AMMECR1: variants seen among roughly 807,000 people sequenced by gnomAD.
AMMECR1 encodes nuclear protein AMMECR1.
In AMMECR1, 3 loss-of-function variants were observed where a neutral mutation model predicts 22.5. The observed-to-expected ratio is 0.13, with a 90% confidence interval of 0.06 to 0.35. AMMECR1 has a LOEUF of 0.35. Ranked by LOEUF, AMMECR1 falls within the 10% of genes least tolerant of loss-of-function variation. AMMECR1 has a pLI of 1.00. For synonymous variants in AMMECR1, 130 were observed against 116.7 expected (o/e 1.11, Z -0.74); for missense variants, 235 against 278.7 (o/e 0.84, Z 1.12).
intron 2 of AMMECR1, among the ~76,000 whole-genome samples, chrX:110,354,944 A>G (rs902821483): frequency 8.9e-6 from 1 of 112,507 alleles, no homozygotes; most frequent in Non-Finnish European, 1.9e-5. Context: ...TGGCAACAAG[A>G]AAAAGCAGAG....
intron 2 of AMMECR1, among the ~76,000 whole-genome samples, chrX:110,241,609 A>T (rs1231066262): frequency 9.1e-6 from 1 of 110,349 alleles, no homozygotes. Context: ...GAGTTGAACA[A>T]TGAGAACACA....
chrX:110,289,129 CAAAT>C (rs1246887884), intron 1 of AMMECR1, among the ~76,000 whole-genome samples: 2 of 111,799 alleles, frequency 1.8e-5, no homozygotes, highest in South Asian at 3.7e-4. Context: ...CTTCCCTCAA[CAAAT>C]AAGTCCATTA....
At chrX:110,248,617 AT>A (rs1197021457) in intron 2 of AMMECR1, among the ~76,000 whole-genome samples, 1 of 112,092 alleles carries the variant, frequency 8.9e-6, no homozygotes, top group African/African-American at 3.2e-5. Flanking sequence ...GGAACTTCAA[AT>A]TGCAAAAATT....
chrX:110,349,870 T>TA (rs2068204491), intron 2 of AMMECR1, among the ~76,000 whole-genome samples: 1 of 111,761 alleles, frequency 8.9e-6, no homozygotes, highest in Non-Finnish European at 1.9e-5. Context: ...CAGGCAGTCT[T>TA]ATCATACATG....
intron 2 of AMMECR1, chrX:110,418,966 C>T (rs1380817395): frequency 9.2e-6 from 1 of 108,212 alleles, no homozygotes; most frequent in African/African-American, 3.3e-5. Context: ...TGTGCATTGC[C>T]TATGACTCAC....
intron 2 of AMMECR1, among the ~76,000 whole-genome samples, chrX:110,359,755 C>A (rs2068250912): frequency 8.9e-6 from 1 of 111,749 alleles, no homozygotes; most frequent in Non-Finnish European, 1.9e-5. Flanking sequence ...GAGATAAGGT[C>A]TCACCATAAA....
chrX:110,406,989 A>G (rs2068606850), intron 2 of AMMECR1, among the ~76,000 whole-genome samples: 1 of 111,685 alleles, frequency 9.0e-6, no homozygotes, highest in Non-Finnish European at 1.9e-5. Flanking sequence ...ACAGGAGCTG[A>G]ATGCCTTCTT....
At position 110,194,949 on chromosome X, in the gene AMMECR1, T is replaced by C. The variant is rs1281856703; in HGVS notation, c.*3571A>G. ...GCTCACACCCCTCAAATAAACTTAATTCATTTTAACATCACTAGCAAAAAT... is the reference window on the plus strand; with the variant it reads ...GCTCACACCCCTCAAATAAACTTAACTCATTTTAACATCACTAGCAAAAAT... On this transcript the variant is annotated 3_prime_UTR_variant, in exon 6 of 6. Transcript: ENST00000262844. 3 of 112,116 alleles carry C rather than the reference T, an allele frequency of 2.7e-5. No individual in the cohort carries two copies. Among genetic ancestry groups the C allele is most frequent in the African/African-American group, 6.5e-5 (2 of 30,858 alleles). The allele number at this position is 112,116 out of a possible 1,213,427, so 9.2% of individuals were successfully genotyped here. A position where few individuals can be genotyped will look rare whatever the true frequency, so the allele number is the denominator to read the frequency against.
At chrX:110,320,101 A>G (rs897025265), upstream of AMMECR1, among the ~76,000 whole-genome samples, 1 of 112,353 alleles carries the variant, frequency 8.9e-6, no homozygotes, top group African/African-American at 3.2e-5. Context: ...CATCCTCTCA[A>G]ACTTCATCAC....
chrX:110,439,174 C>G (rs893507601), intron 1 of AMMECR1, among the ~76,000 whole-genome samples: 3 of 112,005 alleles, frequency 2.7e-5, no homozygotes, highest in African/African-American at 9.7e-5. Flanking sequence ...CCTTTGTGAG[C>G]AGCCATTGGA....
At chrX:110,287,611 A>C (rs1199364539) in intron 1 of AMMECR1, among the ~76,000 whole-genome samples, 1 of 111,925 alleles carries the variant, frequency 8.9e-6, no homozygotes, top group African/African-American at 3.3e-5. Context: ...TAATCTTCCA[A>C]GTTACTAGTC....
intron 2 of AMMECR1, among the ~76,000 whole-genome samples, chrX:110,366,326 A>C (rs1227987873): frequency 1.8e-5 from 2 of 111,837 alleles, no homozygotes; most frequent in African/African-American, 3.3e-5. Context: ...GAATATTCAG[A>C]GTCCTTAATA....
rs764704579 is a variant in AMMECR1 at position 110,353,274 on chromosome X, G to A, written c.-147-35425C>T. Among the ~76,000 whole-genome samples, 8 of 108,976 alleles carry A rather than the reference G, an allele frequency of 7.3e-5. No homozygotes were observed. In the South Asian group the frequency reaches 3.1e-3, roughly 42 times the overall value. 94.6% of individuals were successfully genotyped at this position (108,976 alleles called of 115,157 possible). A position where few individuals can be genotyped will look rare whatever the true frequency, so the allele number is the denominator to read the frequency against. On this transcript the variant is annotated intron_variant, in intron 2 of 7. Coordinates refer to the AMMECR1 transcript ENST00000372057. ...TTTTAAAAAACCAACTTTCAGTTTTGTCAATGTTTTCTAAATTTTTTTAGT... is the reference window on the plus strand; with the variant it reads ...TTTTAAAAAACCAACTTTCAGTTTTATCAATGTTTTCTAAATTTTTTTAGT...
At chrX:110,216,227 G>C (rs1034885275) in intron 3 of AMMECR1, among the ~76,000 whole-genome samples, 1 of 111,797 alleles carries the variant, frequency 8.9e-6, no homozygotes, top group African/African-American at 3.2e-5. Context: ...ATAAATTCCA[G>C]TCAGTCCTTC....
intron 1 of AMMECR1, among the ~76,000 whole-genome samples, chrX:110,297,491 T>C (rs2067943138): frequency 9.0e-6 from 1 of 111,532 alleles, no homozygotes; most frequent in African/African-American, 3.3e-5. Context: ...ACAGCTACCA[T>C]GGATGCAAGG....
chrX:110,223,307 T>G (rs1185514675), intron 2 of AMMECR1, among the ~76,000 whole-genome samples: 1 of 112,656 alleles, frequency 8.9e-6, no homozygotes, highest in African/African-American at 3.2e-5. Flanking sequence ...TATTTTTGTT[T>G]AAATTATGTT....
At chrX:110,244,789 A>G (rs1425439855) in intron 2 of AMMECR1, among the ~76,000 whole-genome samples, 1 of 112,142 alleles carries the variant, frequency 8.9e-6, no homozygotes, top group African/African-American at 3.2e-5. Context: ...GACTGTCAGG[A>G]TTTATAATAA....
intron 2 of AMMECR1, among the ~76,000 whole-genome samples, chrX:110,246,156 G>T (rs1282924055): frequency 1.8e-5 from 2 of 111,679 alleles, no homozygotes; most frequent in Non-Finnish European, 3.8e-5. Context: ...TCTTAAACTT[G>T]TATTTCAACT....
chrX:110,418,375 G>A (rs2068693056), intron 2 of AMMECR1, among the ~76,000 whole-genome samples: 2 of 112,221 alleles, frequency 1.8e-5, no homozygotes, highest in East Asian at 2.8e-4. Context: ...TGAGAGCTGC[G>A]GTGAATACAA....
Sources: allele counts gnomAD v4.1 joint callset (sites outside exome capture counted in the v4.1 genomes callset), GRCh38; gene constraint gnomAD v4.1.1; transcripts MANE v1.5; gene names NCBI Gene and HGNC (gene_info 2026-07-23, HGNC 2026-07-21).